Variants in SSBP3 observed in about 807,000 individuals in gnomAD.
The protein encoded by SSBP3 is single-stranded DNA-binding protein 3.
Under a neutral mutation model 69.6 loss-of-function variants are expected in SSBP3, and 5 were observed. That is an observed-to-expected ratio of 0.07 (90% CI 0.04 to 0.15). The LOEUF is 0.15. SSBP3 is among the 10% of genes least tolerant of loss of function. SSBP3 has a pLI of 1.00. For synonymous variants in SSBP3, 196 were observed against 193.4 expected, an observed-to-expected ratio of 1.01 and a Z score of -0.11; for missense variants, 312 against 534.0, an observed-to-expected ratio of 0.58 and a Z score of 4.10.
At chr1:54,293,209 G>C (rs1037474978) in intron 4 of SSBP3, among the ~76,000 whole-genome samples, 1 of 152,130 alleles carries the variant, frequency 6.6e-6, no homozygotes, top group African/African-American at 2.4e-5. Context: ...GGGCTTTCTT[G>C]TTTGCACCCA....
chr1:54,240,825 C>G (rs1644622083), intron 13 of SSBP3, 80 bp downstream of exon 13: 1 of 1,574,564 alleles, frequency 6.4e-7, no homozygotes, highest in African/African-American at 1.4e-5. Flanking sequence ...GGCTCTGCAA[C>G]AGTGCCCCTC....
chr1:54,315,600 T>TAAA (rs552733178), intron 4 of SSBP3, among the ~76,000 whole-genome samples: 1 of 136,254 alleles, frequency 7.3e-6, no homozygotes, highest in African/African-American at 2.7e-5. Flanking sequence ...TTTTTTAATT[T>TAAA]AAAAAAAAAA....
At chr1:54,355,617 G>A (rs1200701295) in intron 4 of SSBP3, among the ~76,000 whole-genome samples, 1 of 152,118 alleles carries the variant, frequency 6.6e-6, no homozygotes, top group Admixed American at 6.5e-5. Flanking sequence ...CCGAAGTGCT[G>A]GGATTACAGG....
chr1:54,323,180 C>T (rs1247797352), intron 4 of SSBP3, among the ~76,000 whole-genome samples: 1 of 152,154 alleles, frequency 6.6e-6, no homozygotes, highest in Non-Finnish European at 1.5e-5. Flanking sequence ...AATGAAGCTC[C>T]CAGAGCATTT....
At chr1:54,243,061 T>A in intron 10 of SSBP3, 174 bp downstream of exon 10, 1 of 682,710 alleles carries the variant, frequency 1.5e-6, no homozygotes, top group Non-Finnish European at 2.6e-6. Flanking sequence ...AGAGGCACTC[T>A]ATGAGGCTGA....
At chr1:54,380,956 C>T (rs963129448) in intron 4 of SSBP3, among the ~76,000 whole-genome samples, 1 of 140,256 alleles carries the variant, frequency 7.1e-6, no homozygotes, top group African/African-American at 2.6e-5. Context: ...ACCCCCTCTA[C>T]AAAAAAAAAA....
intron 4 of SSBP3, among the ~76,000 whole-genome samples, chr1:54,352,288 G>A (rs1376043516): frequency 6.6e-6 from 1 of 152,062 alleles, no homozygotes; most frequent in Non-Finnish European, 1.5e-5. Context: ...TAGGAAGCTT[G>A]ATAGAACTGA....
At chr1:54,337,752 C>T (rs1005439252) in intron 4 of SSBP3, among the ~76,000 whole-genome samples, 1 of 151,984 alleles carries the variant, frequency 6.6e-6, no homozygotes, top group African/African-American at 2.4e-5. Flanking sequence ...GCCTTGGCCT[C>T]CCAAAGGGCT....
chr1:54,327,271 AAAC>A (rs757839696), intron 4 of SSBP3, among the ~76,000 whole-genome samples: 6 of 151,192 alleles, frequency 4.0e-5, no homozygotes, highest in East Asian at 3.9e-4. Context: ...GAAGGAAGGA[AAAC>A]AACAACAAGA....
intron 14 of SSBP3, among the ~76,000 whole-genome samples, chr1:54,235,273 G>GTTTTTTTT (rs200538399): frequency 8.9e-6 from 1 of 112,034 alleles, no homozygotes; most frequent in Non-Finnish European, 1.8e-5. Context: ...AAGATGTCCA[G>GTTTTTTTT]TTTTTTTTTT....
chr1:54,328,692 C>T (rs975310968), intron 4 of SSBP3, among the ~76,000 whole-genome samples: 1 of 152,210 alleles, frequency 6.6e-6, no homozygotes, highest in Non-Finnish European at 1.5e-5. Flanking sequence ...GTTGCCAAGG[C>T]GCCTTTATAA....
At chr1:54,251,108 T>C (rs1220329147) in intron 9 of SSBP3, among the ~76,000 whole-genome samples, 1 of 151,912 alleles carries the variant, frequency 6.6e-6, no homozygotes, top group Non-Finnish European at 1.5e-5. Flanking sequence ...ATTTAACAGG[T>C]GGGGAAACTG....
chr1:54,355,956 T>C (rs2100604602), intron 4 of SSBP3, among the ~76,000 whole-genome samples: 1 of 152,272 alleles, frequency 6.6e-6, no homozygotes, highest in East Asian at 1.9e-4. Flanking sequence ...CACTGTTGTT[T>C]TGGAATGTGC....
At chr1:54,300,755 T>C (rs1645786726) in intron 4 of SSBP3, among the ~76,000 whole-genome samples, 1 of 152,148 alleles carries the variant, frequency 6.6e-6, no homozygotes, top group Non-Finnish European at 1.5e-5. Context: ...ACCTACTCTG[T>C]CTCCAAAATG....
intron 5 of SSBP3, among the ~76,000 whole-genome samples, chr1:54,280,565 C>G (rs1645371835): frequency 6.7e-6 from 1 of 148,490 alleles, no homozygotes; most frequent in Non-Finnish European, 1.5e-5. Flanking sequence ...TCAAACTCAG[C>G]TGCCGACAGG....
At chr1:54,234,280 C>T (rs1313924536) in intron 14 of SSBP3, among the ~76,000 whole-genome samples, 1 of 148,856 alleles carries the variant, frequency 6.7e-6, no homozygotes, top group African/African-American at 2.5e-5. Context: ...CTGACCTTCC[C>T]TCCACTATTG....
chr1:54,240,047 GGTGTGTGT>G (rs71066910), intron 13 of SSBP3, among the ~76,000 whole-genome samples: 19 of 77,808 alleles, frequency 2.4e-4, no homozygotes, highest in Middle Eastern at 5.9e-3. Flanking sequence ...ATTGTGATGG[GGTGTGTGT>G]GTGTGTGTGT....
At chr1:54,231,342 A>C (rs955598183) in intron 14 of SSBP3, among the ~76,000 whole-genome samples, 5 of 152,202 alleles carry the variant, frequency 3.3e-5, no homozygotes, top group African/African-American at 1.2e-4. Flanking sequence ...ATTTTTGGAG[A>C]AATGTCCATT....
chr1:54,325,344 G>C (rs1164199329), intron 4 of SSBP3: 1 of 167,082 alleles, frequency 6.0e-6, no homozygotes, highest in Non-Finnish European at 1.5e-5. Context: ...GATCTCACTA[G>C]GAAAAGGCAG....
Sources: gnomAD v4.1 joint callset for allele counts (sites outside exome capture counted in the v4.1 genomes callset) on GRCh38, gnomAD v4.1.1 for gene constraint, MANE v1.5 for transcripts, NCBI Gene and HGNC (gene_info 2026-07-23, HGNC 2026-07-21) for gene names.